Variants in GNB1 observed in about 807,000 individuals in gnomAD.
GNB1 encodes guanine nucleotide-binding protein G(I)/G(S)/G(T) subunit beta-1.
In GNB1, 2 loss-of-function variants were observed where a neutral mutation model predicts 42.9. The ratio of observed to expected loss-of-function variants is 0.05; its 90% CI spans 0.02 to 0.15. The LOEUF (loss-of-function observed/expected upper bound fraction) is 0.15, where lower values mean the gene tolerates loss of function less well. Among genes scored for constraint, GNB1 ranks in the 10% least tolerant of loss-of-function variants. GNB1 has a pLI of 1.00. For missense variants in GNB1, 193 were observed against 462.2 expected (o/e 0.42, Z 5.34); for synonymous variants, 183 against 174.7 (o/e 1.05, Z -0.38).
intron 1 of GNB1, among the ~76,000 whole-genome samples, chr1:1,879,103 G>A (rs1025589372): frequency 6.6e-6 from 1 of 152,244 alleles, no homozygotes; most frequent in South Asian, 2.1e-4. Flanking sequence ...CTCCTCCCCA[G>A]GAAAAGGCAC....
chr1:1,867,557 A>G (rs1369384847), intron 1 of GNB1, among the ~76,000 whole-genome samples: 2 of 152,200 alleles, frequency 1.3e-5, no homozygotes, highest in Non-Finnish European at 2.9e-5. Context: ...TAATTTTATA[A>G]TAAGCATTCT....
chr1:1,824,125 C>T (rs1407178250), intron 3 of GNB1, among the ~76,000 whole-genome samples: 3 of 152,178 alleles, frequency 2.0e-5, no homozygotes, highest in African/African-American at 7.2e-5. Context: ...AGAGAAAGCT[C>T]TTACATCAAA....
At chr1:1,869,968 T>G (rs979440430) in intron 1 of GNB1, among the ~76,000 whole-genome samples, 1 of 152,080 alleles carries the variant, frequency 6.6e-6, no homozygotes, top group African/African-American at 2.4e-5. Flanking sequence ...GTTCAAGAGA[T>G]TCTCCTGCCT....
chr1:1,887,116 T>C (rs1416024878), intron 1 of GNB1, among the ~76,000 whole-genome samples: 1 of 152,224 alleles, frequency 6.6e-6, no homozygotes, highest in Non-Finnish European at 1.5e-5. Context: ...TCAAGCCAGA[T>C]TTAAAAATTG....
chr1:1,865,888 TTTGTTTTTTGGTTG>T (rs1265944736), intron 1 of GNB1, among the ~76,000 whole-genome samples: 2 of 152,108 alleles, frequency 1.3e-5, no homozygotes, highest in African/African-American at 4.8e-5. Flanking sequence ...AGAAAACAGT[TTTGTTTTTTGGTTG>T]TTGTTTTTTG....
intron 8 of GNB1, among the ~76,000 whole-genome samples, chr1:1,791,263 C>T (rs1335689502): frequency 1.3e-5 from 2 of 151,968 alleles, no homozygotes; most frequent in Non-Finnish European, 2.9e-5. Context: ...CCTCCGCCTC[C>T]CGAGTTCAAG....
At chr1:1,838,436 T>C (rs1162203798) in intron 2 of GNB1, among the ~76,000 whole-genome samples, 2 of 145,266 alleles carry the variant, frequency 1.4e-5, no homozygotes, top group East Asian at 3.9e-4. Flanking sequence ...TTCACCTTAC[T>C]TTTTTTTCTT....
intron 1 of GNB1, among the ~76,000 whole-genome samples, chr1:1,843,741 C>T (rs982007976): frequency 2.6e-5 from 4 of 152,126 alleles, no homozygotes; most frequent in African/African-American, 9.7e-5. Context: ...CTACCAGTCC[C>T]ACAATAATGT....
intron 5 of GNB1, among the ~76,000 whole-genome samples, chr1:1,813,223 A>T (rs939294377): frequency 6.6e-6 from 1 of 150,970 alleles, no homozygotes; most frequent in South Asian, 2.1e-4. Flanking sequence ...AGTAACCTCC[A>T]CGTGCCTCAG....
At chr1:1,825,954 C>T (rs1242182536) in intron 2 of GNB1, among the ~76,000 whole-genome samples, 1 of 151,788 alleles carries the variant, frequency 6.6e-6, no homozygotes, top group Non-Finnish European at 1.5e-5. Flanking sequence ...TATACAATGG[C>T]TAAGTAGGGC....
At chr1:1,834,667 C>CTTT (rs746491020) in intron 2 of GNB1, among the ~76,000 whole-genome samples, 30 of 126,316 alleles carry the variant, frequency 2.4e-4, no homozygotes, top group South Asian at 5.2e-4. Flanking sequence ...ACTCCAAGCA[C>CTTT]TTTTTTTTTT....
intron 1 of GNB1, among the ~76,000 whole-genome samples, chr1:1,852,374 G>A (rs1387877184): frequency 3.3e-5 from 5 of 151,930 alleles, no homozygotes; most frequent in East Asian, 2.0e-4. Flanking sequence ...GACTATAGAC[G>A]CCCGCCACCA....
chr1:1,787,229 A>G lies in GNB1; in HGVS notation c.*9+93T>C. 1 of 738,144 alleles carries G rather than the reference A, an allele frequency of 1.4e-6. No homozygotes were observed. Among genetic ancestry groups the G allele is most frequent in the Admixed American group, 2.3e-5 (1 of 43,362 alleles). 45.7% of individuals were successfully genotyped at this position (738,144 alleles called of 1,614,324 possible). A position where few individuals can be genotyped will look rare whatever the true frequency, so the allele number is the denominator to read the frequency against. ...AATTCCAAATCAATGCTACATCAAC[A>G]TTTATCTAGAAACCGTTAATGACAA... is the stretch of plus-strand genomic sequence containing the variant. On this transcript the variant is annotated intron_variant, in intron 11 of 11. Transcript: ENST00000378609. The surrounding 1 kb of genome is among the most constrained non-coding windows in gnomAD (Gnocchi z 4.4).
chr1:1,868,302 C>T (rs1387371425), intron 1 of GNB1, among the ~76,000 whole-genome samples: 3 of 151,992 alleles, frequency 2.0e-5, no homozygotes, highest in South Asian at 2.1e-4. Context: ...CAGCCTCCCG[C>T]GTAGCTGGGA....
intron 1 of GNB1, among the ~76,000 whole-genome samples, chr1:1,851,066 G>C (rs949647583): frequency 2.0e-5 from 3 of 152,084 alleles, no homozygotes; most frequent in African/African-American, 7.2e-5. Flanking sequence ...TCAGGAGTTT[G>C]AGACCAGCCT....
At chr1:1,809,896 C>T (rs1449315789) in intron 5 of GNB1, among the ~76,000 whole-genome samples, 2 of 152,024 alleles carry the variant, frequency 1.3e-5, no homozygotes, top group South Asian at 4.2e-4. Context: ...GCTCCAGGAC[C>T]CTGAAAGTAG....
chr1:1,864,713 TCTG>T (rs1648827037), intron 1 of GNB1, among the ~76,000 whole-genome samples: 1 of 152,222 alleles, frequency 6.6e-6, no homozygotes, highest in South Asian at 2.1e-4. Context: ...TAGTTTGTAC[TCTG>T]AGTAAAATTC....
intron 1 of GNB1, among the ~76,000 whole-genome samples, chr1:1,841,706 T>A (rs994302669): frequency 2.6e-5 from 4 of 152,202 alleles, no homozygotes; most frequent in African/African-American, 9.6e-5. Context: ...TTAAAGTAGT[T>A]TCGTTTTGCA....
chr1:1,816,513 T>C (rs564584451), intron 4 of GNB1, among the ~76,000 whole-genome samples: 7 of 152,226 alleles, frequency 4.6e-5, no homozygotes, highest in Non-Finnish European at 8.8e-5. Flanking sequence ...TAACTTACAA[T>C]TTAACCTCAA....
Sources: allele counts gnomAD v4.1 joint callset (sites outside exome capture counted in the v4.1 genomes callset), GRCh38; gene constraint gnomAD v4.1.1; non-coding constraint Gnocchi (gnomAD v3.1); transcripts MANE v1.5; gene names NCBI Gene and HGNC (gene_info 2026-07-23, HGNC 2026-07-21).